The following SPAG16 variants were observed in gnomAD, a reference collection of about 807,000 sequenced individuals.
SPAG16 encodes the protein sperm associated antigen 16, also known as sperm-associated antigen 16 protein.
A neutral mutation model predicts 80.4 loss-of-function variants in SPAG16; 86 were observed. The observed-to-expected ratio is 1.07, with a 90% CI of 0.90 to 1.28. SPAG16 has a LOEUF of 1.28. SPAG16 is among the 50% of genes most tolerant of loss of function. The pLI, the probability that SPAG16 is intolerant of heterozygous loss-of-function variation, is 0.00. For missense variants in SPAG16, 870 were observed against 765.3 expected (o/e 1.14, Z -1.61); for synonymous variants, 294 against 265.9 (o/e 1.11, Z -1.03).
chr2:213,356,636 T>C (rs2065669376), intron 7 of SPAG16, among the ~76,000 whole-genome samples: 1 of 152,338 alleles, frequency 6.6e-6, no homozygotes, highest in East Asian at 1.9e-4. Flanking sequence ...GATTCTTCTC[T>C]CCTTTCTTCT....
chr2:213,962,251 T>C (rs1349082351), intron 12 of SPAG16, among the ~76,000 whole-genome samples: 1 of 151,534 alleles, frequency 6.6e-6, no homozygotes, highest in Non-Finnish European at 1.5e-5. Context: ...TGGAGTGCAG[T>C]GGCGTGATCT....
chr2:213,951,322 A>C (rs962922162), intron 12 of SPAG16, among the ~76,000 whole-genome samples: 1 of 152,210 alleles, frequency 6.6e-6, no homozygotes, highest in Non-Finnish European at 1.5e-5. Flanking sequence ...ACATTCAAAT[A>C]GAAATGTCAA....
chr2:213,325,333 A>G (rs1365350438), intron 5 of SPAG16, among the ~76,000 whole-genome samples: 2 of 151,942 alleles, frequency 1.3e-5, no homozygotes, highest in Admixed American at 1.3e-4. Flanking sequence ...TTCTTCTAAA[A>G]CGCTTAAAAT....
chr2:213,881,679 G>A (rs774671352), intron 11 of SPAG16, among the ~76,000 whole-genome samples: 29 of 152,282 alleles, frequency 1.9e-4, no homozygotes, highest in Non-Finnish European at 3.1e-4. Flanking sequence ...CAGATCTCTT[G>A]TGAGAACTCA....
At chr2:213,565,642 A>G (rs567697683) in intron 10 of SPAG16, among the ~76,000 whole-genome samples, 1 of 152,316 alleles carries the variant, frequency 6.6e-6, no homozygotes, top group Admixed American at 6.5e-5. Context: ...AGAACACACC[A>G]GGATTGTCAG....
intron 11 of SPAG16, among the ~76,000 whole-genome samples, chr2:213,920,718 G>T (rs1455587073): frequency 8.5e-5 from 13 of 152,300 alleles, no homozygotes; most frequent in South Asian, 6.2e-4. Context: ...CATCTGATGG[G>T]CAAGACCACC....
intron 15 of SPAG16, among the ~76,000 whole-genome samples, chr2:214,229,169 AT>A (rs941066813): frequency 6.7e-6 from 1 of 148,886 alleles, no homozygotes; most frequent in African/African-American, 2.5e-5. Flanking sequence ...AAAAAAAAGG[AT>A]AATTTCACTA....
chr2:214,313,448 G>A (rs77803664), intron 15 of SPAG16, among the ~76,000 whole-genome samples: 7,697 of 152,096 alleles, frequency 0.051, 519 homozygotes, highest in African/African-American at 0.16. Flanking sequence ...ATATATTTGG[G>A]AACATTTATC....
At chr2:214,229,675 A>G (rs1284276449) in intron 15 of SPAG16, among the ~76,000 whole-genome samples, 5 of 151,800 alleles carry the variant, frequency 3.3e-5, no homozygotes, top group East Asian at 1.9e-4. Context: ...AACAAAAACA[A>G]TAGTTCACAG....
At chr2:214,204,927 C>A (rs889965477) in intron 15 of SPAG16, among the ~76,000 whole-genome samples, 12 of 151,878 alleles carry the variant, frequency 7.9e-5, no homozygotes, top group Non-Finnish European at 1.6e-4. Flanking sequence ...TTAATGAAAT[C>A]AAAAAATAAA....
intron 10 of SPAG16, among the ~76,000 whole-genome samples, chr2:213,844,343 TATC>T (rs1399594849): frequency 6.6e-6 from 1 of 152,062 alleles, no homozygotes; most frequent in Non-Finnish European, 1.5e-5. Context: ...ACTGGGAAAA[TATC>T]ATAATTGGTA....
intron 6 of SPAG16, 152 bp downstream of exon 6, chr2:213,340,422 A>G (rs182267603): frequency 3.0e-5 from 19 of 624,630 alleles, no homozygotes; most frequent in Non-Finnish European, 1.7e-5. Context: ...AGGGTCTCAG[A>G]AAATACTTGT....
chr2:213,817,252 A>G (rs1370376915), intron 10 of SPAG16, among the ~76,000 whole-genome samples: 2 of 141,830 alleles, frequency 1.4e-5, no homozygotes, highest in East Asian at 2.0e-4. Flanking sequence ...ATACTTATAT[A>G]TATGATATAT....
rs145239304 is a variant in SPAG16 at position 213,445,182 on chromosome 2, G to A, written c.943-44781G>A. 1.4e-4 allele frequency among the ~76,000 whole-genome samples: 22 copies of A among 152,198 alleles called. No individual in the cohort carries two copies. In the East Asian group the frequency reaches 4.1e-3, roughly 28 times the overall value. On this transcript the variant is annotated intron_variant, in intron 9 of 15. Coordinates refer to ENST00000331683, the MANE Select transcript of SPAG16 (RefSeq NM_024532.5). ...TCACACCAAACTAAAAATCTTCTGC[G>A]CAACAATGAGAACAACCAAACAAAA...
intron 15 of SPAG16, among the ~76,000 whole-genome samples, chr2:214,259,651 G>C (rs1200871751): frequency 1.3e-5 from 2 of 151,004 alleles, no homozygotes. Flanking sequence ...TGGTTTGGTT[G>C]GTGTTTATTT....
intron 15 of SPAG16, among the ~76,000 whole-genome samples, chr2:214,253,988 G>A (rs1345614177): frequency 6.6e-6 from 1 of 152,062 alleles, no homozygotes; most frequent in East Asian, 1.9e-4. Flanking sequence ...TTGAGCAGTG[G>A]TTTGTAGTTC....
At chr2:213,476,466 G>A (rs1385335573) in intron 9 of SPAG16, among the ~76,000 whole-genome samples, 1 of 152,212 alleles carries the variant, frequency 6.6e-6, no homozygotes, top group Non-Finnish European at 1.5e-5. Flanking sequence ...CTGCAAGCCT[G>A]TTCTCTGAAT....
chr2:213,319,553 C>G (rs960693937), intron 5 of SPAG16, among the ~76,000 whole-genome samples: 6 of 151,992 alleles, frequency 3.9e-5, no homozygotes, highest in African/African-American at 1.4e-4. Flanking sequence ...ACTGTTTGCC[C>G]TGTTGCTCAC....
At chr2:214,277,857 C>G (rs1292943370) in intron 15 of SPAG16, among the ~76,000 whole-genome samples, 1 of 152,204 alleles carries the variant, frequency 6.6e-6, no homozygotes, top group Non-Finnish European at 1.5e-5. Context: ...CAGACAGGGA[C>G]GTTTAAGTCT....
Sources: gnomAD v4.1 joint callset for allele counts (sites outside exome capture counted in the v4.1 genomes callset) on GRCh38, gnomAD v4.1.1 for gene constraint, MANE v1.5 for transcripts, NCBI Gene and HGNC (gene_info 2026-07-23, HGNC 2026-07-21) for gene names.